Variants in FASTKD5 observed in about 807,000 individuals in gnomAD.
The protein encoded by FASTKD5 is non-canonical pre-mRNAs endonuclease FASTKD5, mitochondrial.
FASTKD5 carries 30 observed loss-of-function variants against 44.0 expected under a neutral mutation model. The ratio of observed to expected loss-of-function variants is 0.68; its 90% confidence interval spans 0.51 to 0.93. The LOEUF (loss-of-function observed/expected upper bound fraction) is 0.93, where lower values mean the gene tolerates loss of function less well. Among genes scored for constraint, FASTKD5 ranks in the 40% least tolerant of loss-of-function variants. The pLI is 0.00. For synonymous variants in FASTKD5, 335 were observed against 342.2 expected, an observed-to-expected ratio of 0.98 and a Z score of 0.23; for missense variants, 868 against 908.2, an observed-to-expected ratio of 0.96 and a Z score of 0.57.
intron 1 of FASTKD5, chr20:3,150,630 C>G (rs1209131838): frequency 6.6e-6 from 1 of 152,178 alleles, no homozygotes; most frequent in African/African-American, 2.4e-5. Context: ...CATAAAAGTT[C>G]CAAGGGTGCC....
intron 1 of FASTKD5, among the ~76,000 whole-genome samples, chr20:3,155,869 T>A (rs2066678815): frequency 6.6e-6 from 1 of 152,232 alleles, no homozygotes; most frequent in Non-Finnish European, 1.5e-5. Flanking sequence ...ACTTACTCTT[T>A]TCACTATGCA....
At chr20:3,150,417 T>C (rs2066612771) in intron 1 of FASTKD5, 1 of 152,200 alleles carries the variant, frequency 6.6e-6, no homozygotes, top group South Asian at 2.1e-4. Flanking sequence ...GAGTCTTTAT[T>C]CTGCCTGTGA....
intron 1 of FASTKD5, among the ~76,000 whole-genome samples, chr20:3,154,318 G>A (rs2066662960): frequency 6.6e-6 from 1 of 152,162 alleles, no homozygotes; most frequent in Non-Finnish European, 1.5e-5. Flanking sequence ...GATACAAAAA[G>A]CCATGCTAAT....
rs1325040070 is a variant in FASTKD5, at chr20:3,147,741, G to A, written c.1330C>T (p.Pro444Ser). 1.2e-6 allele frequency: 2 copies of A among 1,614,172 alleles called. No homozygotes were observed. The highest frequency in any genetic ancestry group is 2.2e-5 in the South Asian group (2 of 91,090). The change falls in exon 2 of 2, where the codon CCA (proline) becomes TCA (serine). Residue 444 changes from proline to serine, a missense_variant. Transcript: ENST00000380266. ...LWSFGTLNYK[P>S]PNAEEFYSSL... is the part of the protein sequence containing the mutation. ...GAGTAAAATTCTTCTGCATTGGGTG[G>A]CTTATAATTCAGAGTTCCAAATGAC...
At chr20:3,154,649 G>A (rs1210541750) in intron 1 of FASTKD5, among the ~76,000 whole-genome samples, 1 of 152,100 alleles carries the variant, frequency 6.6e-6, no homozygotes, top group East Asian at 1.9e-4. Context: ...TGCTATGGCA[G>A]GGTGACAGAG....
rs1296302014 is a variant in FASTKD5 at position 3,148,862 on chromosome 20, G to A, written c.209C>T (p.Thr70Ile). 2 of 1,614,090 alleles carry A rather than the reference G, an allele frequency of 1.2e-6. No individual in the cohort carries two copies. The highest frequency in any genetic ancestry group is 1.7e-6 in the Non-Finnish European group (2 of 1,180,046). ...CSTFSSRRIL[T>I]TSSAHPGLEF... ...CAAACCTGGGTGGGCACTGCTGGTT[G>A]TCAGGATTCTCCGAGAAGAGAAGGT... Residue 70 changes from threonine (T) to isoleucine (I), a missense_variant, in exon 2 of 2, where the codon ACA (threonine) becomes ATA (isoleucine). Physicochemically the swap from Thr to Ile is moderately conservative, Grantham distance 89. Transcript: ENST00000380266.
chr20:3,148,882 G>C lies in FASTKD5; in HGVS notation c.189C>G (p.Phe63Leu), dbSNP rs79033323. The C allele has an allele frequency of 8.7e-5, 140 of 1,614,216 alleles. No homozygotes were observed. The highest frequency in any genetic ancestry group is 1.1e-4 in the Non-Finnish European group (130 of 1,180,034). Residue 63 changes from phenylalanine (F) to leucine (L), a missense_variant, in exon 2 of 2, where the codon TTC (phenylalanine) becomes TTG (leucine). Phe to Leu is a conservative substitution (Grantham distance 22, BLOSUM62 0). Coordinates refer to ENST00000380266, the MANE Select transcript of FASTKD5 (RefSeq NM_021826.5). ...AKKVKNICST[F>L]SSRRILTTSS... The stretch of plus-strand genomic sequence containing the variant: ...TGGTTGTCAGGATTCTCCGAGAAGA[G>C]AAGGTGCTACATATGTTCTTAACTT...
rs115238082 is a variant in FASTKD5 at position 3,148,799 on chromosome 20, A to C, written c.272T>G (p.Leu91Trp). The change falls in exon 2 of 2, where the codon TTG (leucine) becomes TGG (tryptophan). Residue 91 changes from leucine (L) to tryptophan (W), a missense_variant. Physicochemically the swap from Leu to Trp is moderately conservative, Grantham distance 61. Transcript: ENST00000380266. ...SKTSSSKAST[L>W]QLGSPRATGV... ...TGTGGCCCTGGGTGAGCCCAGCTGC[A>C]ATGTACTGGCCTTAGAGGAAGAAGT... 2 of 1,614,248 alleles carry C rather than the reference A, an allele frequency of 1.2e-6. No homozygotes were observed. The highest frequency in any genetic ancestry group is 1.6e-4 in the Middle Eastern group (1 of 6,062).
chr20:3,150,670 T>A (rs1001065372), intron 1 of FASTKD5: 1 of 152,188 alleles, frequency 6.6e-6, no homozygotes, highest in Non-Finnish European at 1.5e-5. Flanking sequence ...CCTGCCTAAC[T>A]CTGCTGTCAG....
intron 1 of FASTKD5, among the ~76,000 whole-genome samples, chr20:3,159,284 C>A (rs2066721624): frequency 1.3e-5 from 2 of 152,200 alleles, no homozygotes; most frequent in Admixed American, 1.3e-4. Flanking sequence ...AAGCAACATA[C>A]TGTAGGGCCT....
chr20:3,147,300 C>CT lies in FASTKD5; in HGVS notation c.1770dup (p.Glu591ArgfsTer5). Reference sequence around the variant, plus strand: ...TTCAGGTTAACATCAAGCTGGACCTCTAAGTCAGAAGATCGGGTATGAGGC... The same window carrying CT: ...TTCAGGTTAACATCAAGCTGGACCTCTTAAGTCAGAAGATCGGGTATGAGGC... On this transcript the variant is annotated frameshift_variant, in exon 2 of 2. Transcript: ENST00000380266. LOFTEE classifies it low-confidence loss of function (END_TRUNC). 6.2e-7 allele frequency: 1 copy of CT among 1,614,218 alleles called. No individual in the cohort carries two copies. The highest frequency in any genetic ancestry group is 8.5e-7 in the Non-Finnish European group (1 of 1,180,040).
rs768320896 is a variant in FASTKD5 at position 3,148,801 on chromosome 20, T to C, written c.270A>G (p.Thr90=). The change falls in exon 2 of 2, where the codon ACA becomes ACG. Residue 90 remains threonine, a synonymous_variant. Transcript: ENST00000380266. ...FSKTSSSKAS[T]LQLGSPRATG... is the part of the protein sequence containing the mutation. The stretch of plus-strand genomic sequence containing the variant: ...TGGCCCTGGGTGAGCCCAGCTGCAA[T>C]GTACTGGCCTTAGAGGAAGAAGTCT... The C allele has an allele frequency of 3.7e-6, 6 of 1,614,126 alleles. No homozygotes were observed. The highest frequency in any genetic ancestry group is 5.1e-6 in the Non-Finnish European group (6 of 1,180,036).
rs1210949693 is a variant in FASTKD5, at chr20:3,148,772, C to G, written c.299G>C (p.Gly100Ala). Residue 100 changes from glycine (G) to alanine (A), a missense_variant, in exon 2 of 2, where the codon GGA (glycine) becomes GCA (alanine). Transcript: ENST00000380266. The part of the protein sequence containing the change: ...TLQLGSPRAT[G>A]VDEEDVEVFD... ...CACTTCTACGTCCTCTTCATCAACT[C>G]CTGTGGCCCTGGGTGAGCCCAGCTG... 1.2e-6 allele frequency: 2 copies of G among 1,614,124 alleles called. No homozygotes were observed. Among genetic ancestry groups the G allele is most frequent in the African/African-American group, 2.7e-5 (2 of 74,940 alleles).
intron 1 of FASTKD5, among the ~76,000 whole-genome samples, chr20:3,157,903 GT>G (rs1282973769): frequency 6.7e-6 from 1 of 148,164 alleles, no homozygotes; most frequent in African/African-American, 2.5e-5. Flanking sequence ...GAATTCTTTT[GT>G]TTTTTTTTTC....
rs1241200771 is a variant in FASTKD5, at chr20:3,146,914, A to G, written c.2157T>C (p.Asn719=). The G allele has an allele frequency of 6.2e-6, 10 of 1,614,020 alleles. No homozygotes were observed. In the African/African-American group the frequency reaches 9.3e-5, roughly 15 times the overall value. ...YGSRDLLGLH[N]MKRRQLARLG... Reference sequence around the variant, plus strand: ...GCCGAGCCAGCTGCCGCCTCTTCATATTGTGCAGTCCAAGGAGATCCCTGG... The same window carrying G: ...GCCGAGCCAGCTGCCGCCTCTTCATGTTGTGCAGTCCAAGGAGATCCCTGG... Residue 719 remains asparagine (N), a synonymous_variant, in exon 2 of 2, where the codon AAT becomes AAC. Coordinates refer to ENST00000380266, the MANE Select transcript of FASTKD5 (RefSeq NM_021826.5).
At chr20:3,153,363 G>A (rs2066650626) in intron 1 of FASTKD5, among the ~76,000 whole-genome samples, 1 of 152,212 alleles carries the variant, frequency 6.6e-6, no homozygotes, top group African/African-American at 2.4e-5. Flanking sequence ...CTGTGCCAAG[G>A]CTTAGAGCCT....
In FASTKD5 at chr20:3,147,130, C is replaced by T; in HGVS notation, c.1941G>A (p.Glu647=). The change falls in exon 2 of 2, where the codon GAG becomes GAA. Residue 647 remains glutamate, a synonymous_variant. Coordinates refer to ENST00000380266, the MANE Select transcript of FASTKD5 (RefSeq NM_021826.5). Reference sequence around the variant, plus strand: ...CCATGGGCTGCTGCCCAGGCTCTGACTCAGTTTTGCCCTGGAAATGTCCTC... The same window carrying T: ...CCATGGGCTGCTGCCCAGGCTCTGATTCAGTTTTGCCCTGGAAATGTCCTC... ...KARGHFQGKT[E]SEPGQQPMEL... 9 of 1,613,838 alleles carry T rather than the reference C, an allele frequency of 5.6e-6. No individual in the cohort carries two copies. The highest frequency in any genetic ancestry group is 7.6e-6 in the Non-Finnish European group (9 of 1,180,046).
chr20:3,148,176 T>A lies in FASTKD5; in HGVS notation c.895A>T (p.Met299Leu), dbSNP rs551861435. ...GENRQVSQDL[M>L]QKLESLILKY... ...AGGATCAATGATTCCAATTTTTGCA[T>A]TAGGTCCTGGGATACCTGACGATTT... Residue 299 changes from methionine to leucine, a missense_variant, in exon 2 of 2, where the codon ATG becomes TTG. By Grantham distance (15) the Met-to-Leu change is conservative. Transcript: ENST00000380266. 6.2e-6 allele frequency: 10 copies of A among 1,613,854 alleles called. No homozygotes were observed. The highest frequency in any genetic ancestry group is 8.5e-6 in the Non-Finnish European group (10 of 1,180,018).
chr20:3,159,834 C>T lies in FASTKD5; in HGVS notation c.-259G>A, dbSNP rs947678729. On this transcript the variant is annotated 5_prime_UTR_variant, in exon 1 of 2. Coordinates refer to ENST00000380266, the MANE Select transcript of FASTKD5 (RefSeq NM_021826.5). The stretch of plus-strand genomic sequence containing the variant: ...GCCGCGGGCGGCGGCGACACAGATA[C>T]TGGCTCCTCCGGCGACTCCGAGCCT... The T allele has an allele frequency of 6.6e-6, 1 of 152,294 alleles. No homozygotes were observed. The highest frequency in any genetic ancestry group is 2.4e-5 in the African/African-American group (1 of 41,474). 9.4% of individuals were successfully genotyped at this position (152,294 alleles called of 1,614,324 possible).
Sources: gnomAD v4.1 joint callset for allele counts (sites outside exome capture counted in the v4.1 genomes callset) on GRCh38, gnomAD v4.1.1 for gene constraint, MANE v1.5 for transcripts, NCBI Gene and HGNC (gene_info 2026-07-23, HGNC 2026-07-21) for gene names.